The following FGD4 variants were observed in gnomAD, a reference collection of about 807,000 sequenced individuals.
The protein encoded by FGD4 is FYVE, RhoGEF and PH domain-containing protein 4.
In FGD4, 42 loss-of-function variants were observed where a neutral mutation model predicts 102.0. The observed-to-expected ratio is 0.41, with a 90% CI of 0.32 to 0.53. The LOEUF is 0.53. Ranked by LOEUF, FGD4 falls within the 20% of genes least tolerant of loss-of-function variation. FGD4 has a pLI of 0.21. For synonymous variants in FGD4, 380 were observed against 375.7 expected (o/e 1.01, Z -0.13); for missense variants, 902 against 1,078.2 (o/e 0.84, Z 2.29).
intron 2 of FGD4, among the ~76,000 whole-genome samples, chr12:32,575,795 T>C (rs1195019958): frequency 2.6e-5 from 4 of 152,266 alleles, no homozygotes; most frequent in East Asian, 3.8e-4. Flanking sequence ...TACTGTTGTT[T>C]GTTGTTGTTT....
At position 32,633,638 on chromosome 12, in the gene FGD4, C is replaced by T. The variant is rs1269801867; in HGVS notation, c.2262C>T (p.Ile754=). 6.2e-7 allele frequency: 1 copy of T among 1,610,706 alleles called. No homozygotes were observed. The highest frequency in any genetic ancestry group is 8.5e-7 in the Non-Finnish European group (1 of 1,177,046). The change falls in exon 15 of 17, where the codon ATC becomes ATT. Residue 754 remains isoleucine (I), a synonymous_variant. Transcript: ENST00000534526. The part of the protein sequence containing the change: ...LSKVCKDCYQ[I]ISGFTDSEEK... ...AAGTTTGTAAAGACTGTTATCAAATCATAAGTGGATTCACAGACAGTGAAG... is the reference window on the plus strand; with the variant it reads ...AAGTTTGTAAAGACTGTTATCAAATTATAAGTGGATTCACAGACAGTGAAG...
chr12:32,543,201 A>G (rs760917189), intron 1 of FGD4, among the ~76,000 whole-genome samples: 10 of 152,222 alleles, frequency 6.6e-5, no homozygotes, highest in Non-Finnish European at 1.3e-4. Context: ...TATGAAGAAT[A>G]TAGATGAACA....
chr12:32,515,129 T>C (rs953883336), intron 1 of FGD4, among the ~76,000 whole-genome samples: 1 of 152,214 alleles, frequency 6.6e-6, no homozygotes, highest in Non-Finnish European at 1.5e-5. Context: ...AAGGAACTTA[T>C]TAAAATTACC....
chr12:32,531,664 C>T (rs1941832131), intron 1 of FGD4, among the ~76,000 whole-genome samples: 1 of 152,206 alleles, frequency 6.6e-6, no homozygotes, highest in South Asian at 2.1e-4. Context: ...GTTTGTTTCC[C>T]ATTCACTACT....
Position 32,608,010 on chromosome 12 carries a change from T to C in FGD4, c.1458T>C (p.Val486=), listed in dbSNP as rs1009098212. ...TGCAGCATCACATGCTAGAACCTGT[T>C]CAGCGGATTCCCCGGTATGAGATGC... ...LTLQHHMLEP[V]QRIPRYEMLL... Residue 486 remains valine, a synonymous_variant, in exon 8 of 17, where the codon GTT becomes GTC. Coordinates refer to ENST00000534526, the MANE Select transcript of FGD4 (RefSeq NM_001370298.3). The C allele has an allele frequency of 6.2e-7, 1 of 1,614,226 alleles. No individual in the cohort carries two copies.
chr12:32,435,517 G>T (rs758007809), intron 1 of FGD4, among the ~76,000 whole-genome samples: 1 of 151,936 alleles, frequency 6.6e-6, no homozygotes, highest in Non-Finnish European at 1.5e-5. Context: ...GTGTGTGTGT[G>T]TTTTAAATGA....
chr12:32,548,436 T>G (rs539358530), intron 1 of FGD4, among the ~76,000 whole-genome samples: 1 of 151,886 alleles, frequency 6.6e-6, no homozygotes, highest in African/African-American at 2.4e-5. Context: ...GAAATAAAAC[T>G]GCATGCATTA....
chr12:32,581,845 C>T (rs1392363242), intron 3 of FGD4, 115 bp from the exon 4 acceptor site: 4 of 1,134,886 alleles, frequency 3.5e-6, no homozygotes, highest in Admixed American at 4.6e-5. Context: ...CTGAAACCAT[C>T]AGAGATAGAA....
At chr12:32,564,450 A>C (rs755264901) in intron 2 of FGD4, among the ~76,000 whole-genome samples, 161 bp downstream of exon 2, 2 of 152,204 alleles carry the variant, frequency 1.3e-5, no homozygotes, top group Non-Finnish European at 2.9e-5. Context: ...TCTCAGGCAG[A>C]GGTTGCTATT....
rs777070291 is a variant in FGD4 at position 32,608,008 on chromosome 12, G to A, written c.1456G>A (p.Val486Ile). The change falls in exon 8 of 17, where the codon GTT becomes ATT. Residue 486 changes from valine to isoleucine, a missense_variant. Coordinates refer to ENST00000534526, the MANE Select transcript of FGD4 (RefSeq NM_001370298.3). ...LTLQHHMLEP[V>I]QRIPRYEMLL... is the part of the protein sequence containing the mutation. ...TTTGCAGCATCACATGCTAGAACCT[G>A]TTCAGCGGATTCCCCGGTATGAGAT... The A allele has an allele frequency of 1.9e-6, 3 of 1,614,208 alleles. No homozygotes were observed. The highest frequency in any genetic ancestry group is 2.5e-6 in the Non-Finnish European group (3 of 1,180,030).
At chr12:32,561,069 G>GTTTTTTT (rs1565841408) in intron 1 of FGD4, among the ~76,000 whole-genome samples, 26 of 92,012 alleles carry the variant, frequency 2.8e-4, no homozygotes, top group South Asian at 9.4e-4. Flanking sequence ...TTCTTTGTTG[G>GTTTTTTT]GTTTTGTTTT....
chr12:32,633,441 C>T (rs1950608270), intron 14 of FGD4, 108 bp from the exon 15 acceptor site: 1 of 1,212,848 alleles, frequency 8.2e-7, no homozygotes, highest in South Asian at 1.3e-5. Context: ...TAACAAAAAT[C>T]TGCCTTCTAT....
At chr12:32,464,059 G>T (rs1943181676) in intron 1 of FGD4, among the ~76,000 whole-genome samples, 1 of 152,014 alleles carries the variant, frequency 6.6e-6, no homozygotes, top group African/African-American at 2.4e-5. Context: ...TTTCCTTTAG[G>T]CCCCAAGTTT....
chr12:32,490,788 A>G (rs1008510879), intron 1 of FGD4, among the ~76,000 whole-genome samples: 8 of 152,134 alleles, frequency 5.3e-5, no homozygotes, highest in African/African-American at 1.9e-4. Context: ...GCTGGATGGG[A>G]GCAGTATGTG....
chr12:32,637,068 T>C (rs1168398607), intron 15 of FGD4, among the ~76,000 whole-genome samples: 4 of 148,176 alleles, frequency 2.7e-5, no homozygotes, highest in Non-Finnish European at 6.0e-5. Flanking sequence ...TTTTTTTTTT[T>C]AGTAGAGGCA....
intron 1 of FGD4, among the ~76,000 whole-genome samples, chr12:32,561,982 C>T (rs1411084896): frequency 1.3e-5 from 2 of 152,076 alleles, no homozygotes; most frequent in East Asian, 3.9e-4. Context: ...TCTGAGTAAG[C>T]TAGTGGGCGA....
At position 32,472,760 on chromosome 12, in the gene FGD4, C is replaced by T. The variant is rs550840071; in HGVS notation, c.166+72801C>T. Among the ~76,000 whole-genome samples, 422 of 152,366 alleles carry T rather than the reference C, an allele frequency of 2.8e-3. 4 individuals are homozygous for T. Among genetic ancestry groups the T allele is most frequent in the African/African-American group, 9.9e-3 (410 of 41,582 alleles). ...GGTGAAGCCAGCTGGGCTCCTGAGTCTGGTGGGGACGTGGAGAGTCTTTAT... is the reference window on the plus strand; with the variant it reads ...GGTGAAGCCAGCTGGGCTCCTGAGTTTGGTGGGGACGTGGAGAGTCTTTAT... On this transcript the variant is annotated intron_variant, in intron 1 of 16. Coordinates refer to ENST00000534526, the MANE Select transcript of FGD4 (RefSeq NM_001370298.3).
intron 1 of FGD4, among the ~76,000 whole-genome samples, chr12:32,406,869 A>C (rs1940956356): frequency 6.6e-6 from 1 of 151,586 alleles, no homozygotes; most frequent in African/African-American, 2.4e-5. Flanking sequence ...GCTGGAGTGC[A>C]GTGGTGTGAT....
intron 1 of FGD4, among the ~76,000 whole-genome samples, chr12:32,553,925 AC>A (rs1943895968): frequency 6.6e-6 from 1 of 152,058 alleles, no homozygotes; most frequent in South Asian, 2.1e-4. Flanking sequence ...GGCAACAGAA[AC>A]CCCAATTTTT....
Sources: allele counts gnomAD v4.1 joint callset (sites outside exome capture counted in the v4.1 genomes callset), GRCh38; gene constraint gnomAD v4.1.1; transcripts MANE v1.5; gene names NCBI Gene and HGNC (gene_info 2026-07-23, HGNC 2026-07-21).